RELN: variants seen among roughly 807,000 people sequenced by gnomAD.
RELN encodes the protein reelin.
In RELN, 108 loss-of-function variants were observed where a neutral mutation model predicts 427.6. The observed-to-expected ratio is 0.25, with a 90% CI of 0.22 to 0.30. RELN has a LOEUF of 0.30. RELN is among the 10% of genes least tolerant of loss of function. RELN has a pLI of 1.00. For synonymous variants in RELN, 1,524 were observed against 1,513.4 expected, an observed-to-expected ratio of 1.01 and a Z score of -0.16; for missense variants, 3,715 against 4,302.8, an observed-to-expected ratio of 0.86 and a Z score of 3.82.
intron 10 of RELN, among the ~76,000 whole-genome samples, chr7:103,690,282 G>GA (rs893078111): frequency 1.0e-4 from 15 of 149,772 alleles, no homozygotes; most frequent in Middle Eastern, 3.5e-3. Context: ...TGGAAGGAGT[G>GA]AAAAAAAAAA....
chr7:103,722,315 T>G (rs567393753), intron 8 of RELN, among the ~76,000 whole-genome samples: 1 of 152,164 alleles, frequency 6.6e-6, no homozygotes, highest in African/African-American at 2.4e-5. Context: ...ACAGTCCTTT[T>G]GCTAACGGCA....
intron 6 of RELN, among the ~76,000 whole-genome samples, chr7:103,729,527 A>C (rs1005296246): frequency 2.0e-4 from 30 of 152,202 alleles, no homozygotes; most frequent in Non-Finnish European, 4.1e-4. Flanking sequence ...TTTTAGAAAA[A>C]ACATAAATAA....
chr7:103,556,880 G>C (rs1290067694), intron 38 of RELN, 97 bp downstream of exon 38: 3 of 979,176 alleles, frequency 3.1e-6, no homozygotes, highest in South Asian at 2.6e-5. Flanking sequence ...GGACAGCTAA[G>C]CTGCTCAGTT....
intron 46 of RELN, among the ~76,000 whole-genome samples, chr7:103,529,125 A>C: frequency 1.2e-5 from 1 of 86,694 alleles, no homozygotes. Context: ...ACAGAGTGAG[A>C]CTCCATCTCA....
rs182664642 is a variant in RELN, at chr7:103,917,286, C to G, written c.227-101G>C. ...TGTCAAAACAATCTTTACTCATTAA[C>G]AAATTATTTTTATACTATACCTAGT... On this transcript the variant is annotated intron_variant, in intron 1 of 64. Coordinates refer to ENST00000428762, the MANE Select transcript of RELN (RefSeq NM_005045.4). 98 of 935,332 alleles carry G rather than the reference C, an allele frequency of 1.0e-4. 1 individual carries two copies. In the Middle Eastern group the frequency reaches 1.3e-3, roughly 13 times the overall value. 57.9% of individuals were successfully genotyped at this position (935,332 alleles called of 1,614,324 possible).
chr7:103,489,654 C>G, intron 60 of RELN, 88 bp downstream of exon 60: 1 of 1,468,110 alleles, frequency 6.8e-7, no homozygotes, highest in South Asian at 1.2e-5. Flanking sequence ...GAGTTTCTAT[C>G]CATTTCCTAG....
At chr7:103,846,489 G>C (rs184237119) in intron 2 of RELN, among the ~76,000 whole-genome samples, 170 of 152,226 alleles carry the variant, frequency 1.1e-3, no homozygotes, top group Middle Eastern at 0.01. Flanking sequence ...AGAAAACTTT[G>C]GCAATACCAT....
At chr7:103,665,763 G>A (rs1270895084) in intron 11 of RELN, among the ~76,000 whole-genome samples, 1 of 151,940 alleles carries the variant, frequency 6.6e-6, no homozygotes, top group Non-Finnish European at 1.5e-5. Context: ...AATCAGGTCT[G>A]GAAAAATGTA....
chr7:103,576,667 C>G (rs1007856013), intron 28 of RELN, among the ~76,000 whole-genome samples: 1 of 152,198 alleles, frequency 6.6e-6, no homozygotes, highest in African/African-American at 2.4e-5. Flanking sequence ...ATGCTTCAGG[C>G]AGGGAAGAGT....
Position 103,782,470 on chromosome 7 carries a change from A to G in RELN, c.474-5843T>C, listed in dbSNP as rs117079011. Among the ~76,000 whole-genome samples the G allele has an allele frequency of 8.9e-3, 1,349 of 152,268 alleles. 12 individuals are homozygous for G. The highest frequency in any genetic ancestry group is 0.024 in the Middle Eastern group (7 of 294). The stretch of plus-strand genomic sequence containing the variant: ...GGGATAACTTGAAATAATAACTATT[A>G]CTTCAAGATATTAATATTCACTCTT... On this transcript the variant is annotated intron_variant, in intron 3 of 64. Coordinates refer to ENST00000428762, the MANE Select transcript of RELN (RefSeq NM_005045.4).
intron 3 of RELN, among the ~76,000 whole-genome samples, chr7:103,784,137 T>C (rs928289237): frequency 6.6e-6 from 1 of 151,998 alleles, no homozygotes; most frequent in African/African-American, 2.4e-5. Context: ...AAGGAAGAAA[T>C]GACAAATTTC....
chr7:103,604,518 C>T (rs758238642), intron 22 of RELN, 35 bp from the exon 23 acceptor site: 3 of 1,612,648 alleles, frequency 1.9e-6, no homozygotes, highest in African/African-American at 2.7e-5. Context: ...AAAACGGTTT[C>T]AACCTTTCAG....
In RELN at chr7:103,759,366, C is replaced by T. The variant is rs184132585; in HGVS notation, c.545-6152G>A. Among the ~76,000 whole-genome samples, 383 of 152,160 alleles carry T rather than the reference C, an allele frequency of 2.5e-3. 5 individuals carry two copies. The highest frequency in any genetic ancestry group is 8.5e-3 in the African/African-American group (352 of 41,548). Reference sequence around the variant, plus strand: ...TCACAAGGCTTGATTGAGCCTAACACGAAAGCAAGTAAATTCAGTATCAAA... The same window carrying T: ...TCACAAGGCTTGATTGAGCCTAACATGAAAGCAAGTAAATTCAGTATCAAA... On this transcript the variant is annotated intron_variant, in intron 4 of 64. Transcript: ENST00000428762.
In RELN at chr7:103,652,643, A is replaced by G. The variant is rs1247869852; in HGVS notation, c.1671T>C (p.Phe557=). The G allele has an allele frequency of 6.2e-7, 1 of 1,613,026 alleles. No individual in the cohort carries two copies. Among genetic ancestry groups the G allele is most frequent in the Admixed American group, 1.7e-5 (1 of 59,842 alleles). The change falls in exon 14 of 65, where the codon TTT becomes TTC. Residue 557 remains phenylalanine, a synonymous_variant. Coordinates refer to ENST00000428762, the MANE Select transcript of RELN (RefSeq NM_005045.4). ...AAGGGAGAACAGGCAAGACATGGAA[A>G]AAGTCTACAGCCCAGACATTCCTAT... ...GHNRNVWAVD[F]FHVLPVLPST...
At chr7:103,803,395 A>G (rs1792517631) in intron 3 of RELN, among the ~76,000 whole-genome samples, 1 of 152,116 alleles carries the variant, frequency 6.6e-6, no homozygotes, top group African/African-American at 2.4e-5. Flanking sequence ...TATCTTTAAT[A>G]TACTCAGTGT....
At position 103,603,198 on chromosome 7, in the gene RELN, G is replaced by A; in HGVS notation, c.3333+106C>T. 2.2e-6 allele frequency: 2 copies of A among 926,968 alleles called. No homozygotes were observed. Among genetic ancestry groups the A allele is most frequent in the Non-Finnish European group, 3.6e-6 (2 of 559,708 alleles). The allele number at this position is 926,968 out of a possible 1,614,324, so 57.4% of individuals were successfully genotyped here. A position where few individuals can be genotyped will look rare whatever the true frequency, so the allele number is the denominator to read the frequency against. On this transcript the variant is annotated intron_variant, in intron 24 of 64. Coordinates refer to ENST00000428762, the MANE Select transcript of RELN (RefSeq NM_005045.4). The surrounding 1 kb of genome is among the most constrained non-coding windows in gnomAD (Gnocchi z 4.3). ...TTGATAGAGCCCACTCAAAAGCGGG[G>A]AACGTGGGGAACAATAGAACCACTT...
intron 9 of RELN, among the ~76,000 whole-genome samples, chr7:103,699,673 A>C (rs1834051335): frequency 6.6e-6 from 1 of 152,182 alleles, no homozygotes; most frequent in Admixed American, 6.6e-5. Flanking sequence ...GAGAAAAAAA[A>C]TGGAGACATA....
At position 103,566,269 on chromosome 7, in the gene RELN, C is replaced by T; in HGVS notation, c.4891G>A (p.Asp1631Asn). Reference protein sequence around the residue: ...YRIQGGQVDIDCLSMDTALIF... With the variant: ...YRIQGGQVDINCLSMDTALIF... ...AGAGCAGTATCCATAGAGAGACAGT[C>T]AATATCAACTTGACCTCCTTGGATT... The change falls in exon 33 of 65, where the codon GAC becomes AAC. Residue 1631 changes from aspartate (D) to asparagine (N), a missense_variant. Asp to Asn is a conservative substitution (Grantham distance 23, BLOSUM62 1). This residue lies in a region of RELN where 2,208 missense variants were observed against 2,361.7 expected (regional missense o/e 0.93). Coordinates refer to ENST00000428762, the MANE Select transcript of RELN (RefSeq NM_005045.4). 6.2e-7 allele frequency: 1 copy of T among 1,613,954 alleles called. No individual in the cohort carries two copies. Among genetic ancestry groups the T allele is most frequent in the South Asian group, 1.1e-5 (1 of 91,066 alleles).
At position 103,573,863 on chromosome 7, in the gene RELN, C is replaced by G. The variant is rs190632289; in HGVS notation, c.4511+229G>C. ...ATCAAGCTGGCATACCCTAGACACA[C>G]AGGCCTTGGTGATGACCACACATGG... On this transcript the variant is annotated intron_variant, in intron 30 of 64. Coordinates refer to ENST00000428762, the MANE Select transcript of RELN (RefSeq NM_005045.4). This position sits in a 1 kb window ranked among gnomAD's most constrained non-coding sequence, Gnocchi z 4.4. Among the ~76,000 whole-genome samples the G allele has an allele frequency of 1.9e-4, 29 of 152,176 alleles. No homozygotes were observed.
Sources: gnomAD v4.1 joint callset for allele counts (sites outside exome capture counted in the v4.1 genomes callset) on GRCh38, gnomAD v4.1.1 for gene constraint, gnomAD v4.1.1 regional missense constraint, Gnocchi (gnomAD v3.1) non-coding constraint, MANE v1.5 for transcripts, NCBI Gene and HGNC (gene_info 2026-07-23, HGNC 2026-07-21) for gene names.